RAP1GDS1: variants seen among roughly 807,000 people sequenced by gnomAD.
RAP1GDS1 encodes RAP1, GTP-GDP dissociation stimulator 1.
In RAP1GDS1, 35 loss-of-function variants were observed where a neutral mutation model predicts 71.1. That is an observed-to-expected ratio of 0.49 (90% CI 0.38 to 0.65). The LOEUF (loss-of-function observed/expected upper bound fraction) is 0.65. Ranked by LOEUF, RAP1GDS1 falls within the 30% of genes least tolerant of loss-of-function variation. RAP1GDS1 has a pLI of 0.00. For missense variants in RAP1GDS1, 663 were observed against 706.1 expected (o/e 0.94, Z 0.69); for synonymous variants, 229 against 243.1 (o/e 0.94, Z 0.54).
chr4:98,313,727 G>A, intron 2 of RAP1GDS1, among the ~76,000 whole-genome samples: 1 of 151,988 alleles, frequency 6.6e-6, no homozygotes, highest in East Asian at 1.9e-4. Flanking sequence ...GGTGCCTGTG[G>A]TCCCATCTAC....
At chr4:98,405,833 AC>A (rs1184672264) in intron 7 of RAP1GDS1, among the ~76,000 whole-genome samples, 10 of 152,210 alleles carry the variant, frequency 6.6e-5, no homozygotes, top group East Asian at 1.9e-4. Flanking sequence ...ACCAAAAAAA[AC>A]GGTAGATATA....
At chr4:98,317,776 G>A (rs750707823) in intron 2 of RAP1GDS1, among the ~76,000 whole-genome samples, 7 of 151,578 alleles carry the variant, frequency 4.6e-5, no homozygotes, top group Admixed American at 6.6e-5. Context: ...TAACAGACGC[G>A]ATGCTCTATG....
chr4:98,387,453 T>C (rs1463625276), intron 5 of RAP1GDS1: 1 of 455,886 alleles, frequency 2.2e-6, no homozygotes, highest in Non-Finnish European at 4.4e-6. Context: ...TTCTTTGGAG[T>C]TTCCATGAGT....
At chr4:98,341,831 A>G (rs1735548188) in intron 2 of RAP1GDS1, among the ~76,000 whole-genome samples, 1 of 152,214 alleles carries the variant, frequency 6.6e-6, no homozygotes, top group African/African-American at 2.4e-5. Context: ...CTGGTAGTCA[A>G]GGGGTACAAG....
chr4:98,320,569 G>C (rs1578424367), intron 2 of RAP1GDS1, among the ~76,000 whole-genome samples: 2 of 152,106 alleles, frequency 1.3e-5, no homozygotes, highest in Non-Finnish European at 2.9e-5. Flanking sequence ...CGCAGCTGGA[G>C]ATCTGAGAAC....
At chr4:98,333,906 A>T (rs1312978460) in intron 2 of RAP1GDS1, among the ~76,000 whole-genome samples, 2 of 152,148 alleles carry the variant, frequency 1.3e-5, no homozygotes, top group Non-Finnish European at 2.9e-5. Context: ...ACCAACAAAG[A>T]TTATTCTGTT....
At chr4:98,389,977 C>T (rs1326299078) in intron 5 of RAP1GDS1, among the ~76,000 whole-genome samples, 3 of 152,110 alleles carry the variant, frequency 2.0e-5, no homozygotes, top group Non-Finnish European at 4.4e-5. Flanking sequence ...GAGTTTGACT[C>T]ACATTCAATG....
At chr4:98,298,832 T>C (rs1482269230) in intron 2 of RAP1GDS1, among the ~76,000 whole-genome samples, 2 of 152,148 alleles carry the variant, frequency 1.3e-5, no homozygotes, top group Non-Finnish European at 2.9e-5. Context: ...GCAAACTAAA[T>C]TGAAAACCTG....
chr4:98,294,994 T>A lies in RAP1GDS1; in HGVS notation c.112+1479T>A, dbSNP rs181983969. Among the ~76,000 whole-genome samples, 61 of 152,216 alleles carry A rather than the reference T, an allele frequency of 4.0e-4. No individual in the cohort carries two copies. The East Asian group carries it at 0.01, about 26-fold the overall frequency. ...AAACTTTTAAATAGACCATTTGCTTTAGATACTGAAGGACATGAAGGGTCA... is the reference window on the plus strand; with the variant it reads ...AAACTTTTAAATAGACCATTTGCTTAAGATACTGAAGGACATGAAGGGTCA... On this transcript the variant is annotated intron_variant, in intron 2 of 14. Coordinates refer to ENST00000408927, the MANE Select transcript of RAP1GDS1 (RefSeq NM_001100427.2).
rs1216381922 is a variant in RAP1GDS1, at chr4:98,261,430, C to T, written c.-136C>T. The T allele has an allele frequency of 1.2e-5, 9 of 763,270 alleles. No homozygotes were observed. Among genetic ancestry groups the T allele is most frequent in the African/African-American group, 3.7e-5 (2 of 53,956 alleles). The allele number at this position is 763,270 out of a possible 1,614,324, so 47.3% of individuals were successfully genotyped here. ...GCCGCCTGCAGCAGCACCAGCTGCT[C>T]CTCCCCGGCGGCCGCCCCCCGCGGG... On this transcript the variant is annotated 5_prime_UTR_variant, in exon 1 of 15. Transcript: ENST00000408927.
At chr4:98,341,837 A>G (rs537781329) in intron 2 of RAP1GDS1, among the ~76,000 whole-genome samples, 1 of 152,324 alleles carries the variant, frequency 6.6e-6, no homozygotes, top group South Asian at 2.1e-4. Context: ...GTCAAGGGGT[A>G]CAAGGAGCAG....
At chr4:98,278,973 A>T (rs573420690) in intron 1 of RAP1GDS1, among the ~76,000 whole-genome samples, 44 of 152,330 alleles carry the variant, frequency 2.9e-4, no homozygotes, top group African/African-American at 9.6e-4. Flanking sequence ...CTGTAATCCC[A>T]GCACTTTGGG....
At chr4:98,342,049 T>A (rs1013627095) in intron 2 of RAP1GDS1, among the ~76,000 whole-genome samples, 4 of 152,186 alleles carry the variant, frequency 2.6e-5, no homozygotes, top group Admixed American at 1.3e-4. Context: ...CAGTTTCTAG[T>A]CTTCATTCCC....
chr4:98,278,587 T>C (rs1724572037), intron 1 of RAP1GDS1, among the ~76,000 whole-genome samples: 1 of 152,206 alleles, frequency 6.6e-6, no homozygotes, highest in Non-Finnish European at 1.5e-5. Flanking sequence ...CATAGAGATA[T>C]GGAATAGATT....
intron 1 of RAP1GDS1, among the ~76,000 whole-genome samples, chr4:98,270,177 A>C (rs1421085896): frequency 1.3e-5 from 2 of 152,186 alleles, no homozygotes; most frequent in South Asian, 4.1e-4. Flanking sequence ...CCATTAATCT[A>C]TTTATGAGGG....
intron 2 of RAP1GDS1, among the ~76,000 whole-genome samples, chr4:98,325,636 A>G (rs914850684): frequency 2.0e-5 from 3 of 150,920 alleles, no homozygotes; most frequent in Non-Finnish European, 4.4e-5. Context: ...CATGGATGAA[A>G]TTGGAAATCA....
intron 11 of RAP1GDS1, among the ~76,000 whole-genome samples, 191 bp downstream of exon 11, chr4:98,420,335 ATTAT>A (rs35020636): frequency 0.012 from 1,833 of 149,846 alleles, 28 homozygotes; most frequent in African/African-American, 0.033. Flanking sequence ...ATTTATACAT[ATTAT>A]TTATTTATTT....
chr4:98,423,495 T>C (rs1282100859), intron 12 of RAP1GDS1, among the ~76,000 whole-genome samples: 7 of 152,140 alleles, frequency 4.6e-5, no homozygotes, highest in African/African-American at 1.2e-4. Flanking sequence ...AAGCAGCAAG[T>C]TGCCATTATT....
At chr4:98,347,361 A>G (rs996790941) in intron 3 of RAP1GDS1, among the ~76,000 whole-genome samples, 2 of 152,252 alleles carry the variant, frequency 1.3e-5, no homozygotes, top group African/African-American at 4.8e-5. Context: ...AATAAAAAAT[A>G]ATCGACAATT....
Sources: allele counts gnomAD v4.1 joint callset (sites outside exome capture counted in the v4.1 genomes callset), GRCh38; gene constraint gnomAD v4.1.1; transcripts MANE v1.5; gene names NCBI Gene and HGNC (gene_info 2026-07-23, HGNC 2026-07-21).